KIAA1217: variants seen among roughly 807,000 people sequenced by gnomAD.
The protein encoded by KIAA1217 is KIAA1217.
Under a neutral mutation model 163.9 loss-of-function variants are expected in KIAA1217, and 88 were observed. The observed-to-expected ratio is 0.54, with a 90% CI of 0.45 to 0.64. The LOEUF is 0.64. KIAA1217 is among the 30% of genes least tolerant of loss of function. The pLI is 0.00. For missense variants in KIAA1217, 2,372 were observed against 2,475.0 expected, an observed-to-expected ratio of 0.96 and a Z score of 0.88; for synonymous variants, 903 against 923.1, an observed-to-expected ratio of 0.98 and a Z score of 0.39.
rs764797031 is a variant in KIAA1217, at chr10:24,542,709, A to C, written c.3551A>C (p.His1184Pro). ...TTCTACCAGAATTTGGAATTTTTCC[A>C]TGAAGATGTACGGAAATCTGATGTT... Reference protein sequence around the residue: ...PKEKKNLEFFHEDVRKSDVEY... With the variant: ...PKEKKNLEFFPEDVRKSDVEY... The change falls in exon 18 of 21, where the codon CAT becomes CCT. Residue 1184 changes from histidine (H) to proline (P), a missense_variant. Around this residue, in one of 3 missense-constraint regions of KIAA1217, gnomAD observed 251 missense variants for 327.3 expected, o/e 0.77. Transcript: ENST00000376454. 1 of 1,614,204 alleles carries C rather than the reference A, an allele frequency of 6.2e-7. No individual in the cohort carries two copies. Among genetic ancestry groups the C allele is most frequent in the Admixed American group, 1.7e-5 (1 of 60,026 alleles).
chr10:24,475,954 A>T (rs1057041123), intron 6 of KIAA1217, among the ~76,000 whole-genome samples: 1 of 152,058 alleles, frequency 6.6e-6, no homozygotes, highest in Non-Finnish European at 1.5e-5. Context: ...AATAAAGATA[A>T]TTTGTCTCCT....
intron 2 of KIAA1217, among the ~76,000 whole-genome samples, chr10:24,252,653 C>A (rs1374738952): frequency 1.3e-5 from 2 of 152,068 alleles, no homozygotes; most frequent in African/African-American, 4.8e-5. Flanking sequence ...AAAAAAATAA[C>A]CATTCATTCA....
rs59075123 is a variant in KIAA1217 at position 23,982,529 on chromosome 10, T to TTCTCTCTCTCTCTCTCTC, written c.-320-24661_-320-24644dup. On this transcript the variant is annotated intron_variant, in intron 1 of 18. Coordinates refer to the KIAA1217 transcript ENST00000376462. ...TCCTCTGTATTGCTCTGTTTTTTGT[T>TTCTCTCTCTCTCTCTCTC]TCTCTCTCTCTCTCTCTCTCTCTCT... Among the ~76,000 whole-genome samples, 20 of 73,628 alleles carry TTCTCTCTCTCTCTCTCTC rather than the reference T, an allele frequency of 2.7e-4. 1 individual carries two copies. The highest frequency in any genetic ancestry group is 4.0e-4 in the African/African-American group (8 of 19,844). 48.3% of individuals were successfully genotyped at this position (73,628 alleles called of 152,430 possible).
At chr10:24,085,689 G>T (rs546693216) in intron 2 of KIAA1217, among the ~76,000 whole-genome samples, 1 of 151,890 alleles carries the variant, frequency 6.6e-6, no homozygotes, top group Non-Finnish European at 1.5e-5. Context: ...AAAAGTGCTG[G>T]CTGGGAGGCA....
chr10:24,242,497 T>C (rs540498685), intron 2 of KIAA1217, among the ~76,000 whole-genome samples: 22 of 152,346 alleles, frequency 1.4e-4, no homozygotes, highest in African/African-American at 5.3e-4. Context: ...AGTCCACCAT[T>C]GACGGACACC....
chr10:23,915,785 G>T (rs1008048181), intron 1 of KIAA1217, among the ~76,000 whole-genome samples: 2 of 152,154 alleles, frequency 1.3e-5, no homozygotes, highest in Non-Finnish European at 2.9e-5. Flanking sequence ...CCAGACCCAG[G>T]AGGAAAGTTT....
chr10:24,480,054 TG>T (rs1186252394), intron 6 of KIAA1217, among the ~76,000 whole-genome samples: 2 of 152,144 alleles, frequency 1.3e-5, no homozygotes, highest in African/African-American at 2.4e-5. Context: ...CCGTAGCAGA[TG>T]TTTAGCAGCA....
chr10:24,545,977 C>T lies in KIAA1217; in HGVS notation c.5485C>T (p.Pro1829Ser), dbSNP rs1489281329. 1.2e-6 allele frequency: 2 copies of T among 1,614,066 alleles called. No individual in the cohort carries two copies. The highest frequency in any genetic ancestry group is 1.7e-6 in the Non-Finnish European group (2 of 1,180,038). The change falls in exon 21 of 21, where the codon CCT becomes TCT. Residue 1829 changes from proline to serine, a missense_variant. Physicochemically the swap from Pro to Ser is moderately conservative, Grantham distance 74. Coordinates refer to ENST00000376454, the MANE Select transcript of KIAA1217 (RefSeq NM_019590.5). ...TGACAGCTCTAACCTCCCTAATCCA[C>T]CTGCTACTAAACCATCGATTGCTTC... The part of the protein sequence containing the change: ...SGDSSNLPNP[P>S]ATKPSIASNP...
chr10:23,754,220 G>A (rs1015779465), intron 1 of KIAA1217, among the ~76,000 whole-genome samples: 3 of 152,104 alleles, frequency 2.0e-5, no homozygotes, highest in African/African-American at 4.8e-5. Flanking sequence ...TGAATAACAC[G>A]GGGAAGGCAA....
intron 1 of KIAA1217, among the ~76,000 whole-genome samples, chr10:23,832,918 T>C (rs1838278650): frequency 6.6e-6 from 1 of 152,018 alleles, no homozygotes; most frequent in African/African-American, 2.4e-5. Context: ...ACTCCCTTTT[T>C]GAAAAACGTC....
chr10:23,698,401 C>A (rs1331613742), intron 1 of KIAA1217, among the ~76,000 whole-genome samples: 2 of 152,152 alleles, frequency 1.3e-5, no homozygotes, highest in East Asian at 1.9e-4. Context: ...AATTCTTTAA[C>A]CAAACATTGA....
intron 2 of KIAA1217, among the ~76,000 whole-genome samples, chr10:24,322,374 A>G (rs1031771548): frequency 6.6e-6 from 1 of 152,186 alleles, no homozygotes; most frequent in African/African-American, 2.4e-5. Context: ...GTGCGGGGTA[A>G]TCTCTGAAGT....
At chr10:23,700,733 A>C (rs1317245990) in intron 1 of KIAA1217, among the ~76,000 whole-genome samples, 1 of 152,160 alleles carries the variant, frequency 6.6e-6, no homozygotes, top group Non-Finnish European at 1.5e-5. Context: ...ATGTTTTCTC[A>C]AGTTCATCTT....
At chr10:24,174,536 G>A (rs554533229) in intron 2 of KIAA1217, among the ~76,000 whole-genome samples, 1 of 152,276 alleles carries the variant, frequency 6.6e-6, no homozygotes, top group African/African-American at 2.4e-5. Context: ...TGGCAAGGAA[G>A]GATCCCCACC....
At chr10:24,188,920 A>T (rs940084954) in intron 2 of KIAA1217, among the ~76,000 whole-genome samples, 1 of 152,062 alleles carries the variant, frequency 6.6e-6, no homozygotes, top group East Asian at 1.9e-4. Context: ...CCTGGCTAAC[A>T]TGGTGAAACC....
chr10:23,748,528 A>G (rs967171457), intron 1 of KIAA1217, among the ~76,000 whole-genome samples: 4 of 109,656 alleles, frequency 3.6e-5, no homozygotes, highest in Admixed American at 1.1e-4. Context: ...GAAAGGAAGG[A>G]GAGGGGAGGG....
chr10:23,824,658 A>AAATAT (rs1837805755), intron 1 of KIAA1217, among the ~76,000 whole-genome samples: 59 of 53,042 alleles, frequency 1.1e-3, no homozygotes, highest in Middle Eastern at 0.023. Context: ...AAATAAAAAA[A>AAATAT]ATATATATAT....
intron 2 of KIAA1217, among the ~76,000 whole-genome samples, chr10:24,040,060 C>T (rs1284374138): frequency 6.6e-6 from 1 of 152,080 alleles, no homozygotes; most frequent in African/African-American, 2.4e-5. Flanking sequence ...GGGATAAAAC[C>T]ACCTGTTTTA....
chr10:24,151,111 AG>A (rs1459473934), intron 2 of KIAA1217, among the ~76,000 whole-genome samples: 1 of 152,170 alleles, frequency 6.6e-6, no homozygotes, highest in Admixed American at 6.5e-5. Flanking sequence ...TAGTAGAGTC[AG>A]GGGCAGGAGG....
Sources: gnomAD v4.1 joint callset for allele counts (sites outside exome capture counted in the v4.1 genomes callset) on GRCh38, gnomAD v4.1.1 for gene constraint, gnomAD v4.1.1 regional missense constraint, MANE v1.5 for transcripts, NCBI Gene and HGNC (gene_info 2026-07-23, HGNC 2026-07-21) for gene names.